SLC24A2: variants seen among roughly 807,000 people sequenced by gnomAD.
The protein encoded by SLC24A2 is sodium/potassium/calcium exchanger 2.
Under a neutral mutation model 62.0 loss-of-function variants are expected in SLC24A2, and 36 were observed. That is an observed-to-expected ratio of 0.58 (90% CI 0.44 to 0.77). The LOEUF is 0.77. Among genes scored for constraint, SLC24A2 ranks in the 30% least tolerant of loss-of-function variants. SLC24A2 has a pLI of 0.00. For synonymous variants in SLC24A2, 358 were observed against 294.0 expected, an observed-to-expected ratio of 1.22 and a Z score of -2.23; for missense variants, 846 against 817.9, an observed-to-expected ratio of 1.03 and a Z score of -0.42.
At chr9:20,261,803 G>A in the SLC24A2 span, among the ~76,000 whole-genome samples, 3 of 126,624 alleles carry the variant, frequency 2.4e-5, no homozygotes, top group Non-Finnish European at 1.6e-5. Context: ...GCAGTGGCAC[G>A]ATCTCGGCTC....
chr9:19,997,127 T>A, the SLC24A2 span, among the ~76,000 whole-genome samples: 1 of 152,108 alleles, frequency 6.6e-6, no homozygotes, highest in Admixed American at 6.5e-5. Context: ...GCACAGAGCA[T>A]TTTCCTCAAG....
chr9:19,542,589 C>G (rs2132713278), intron 8 of SLC24A2, among the ~76,000 whole-genome samples: 1 of 152,212 alleles, frequency 6.6e-6, no homozygotes, highest in South Asian at 2.1e-4. Context: ...CCATAAACAG[C>G]TCTTATTGAG....
the SLC24A2 span, among the ~76,000 whole-genome samples, chr9:19,989,789 G>A: frequency 1.3e-5 from 2 of 152,316 alleles, no homozygotes; most frequent in Middle Eastern, 3.4e-3. Context: ...AGATGTTCTT[G>A]TACAGAAAAG....
the SLC24A2 span, among the ~76,000 whole-genome samples, chr9:19,875,976 T>C: frequency 2.6e-5 from 4 of 152,266 alleles, no homozygotes; most frequent in African/African-American, 9.6e-5. Context: ...AGTTTAATGT[T>C]TGGGAAAAAT....
the SLC24A2 span, among the ~76,000 whole-genome samples, chr9:19,974,509 T>C: frequency 6.6e-6 from 1 of 152,202 alleles, no homozygotes; most frequent in African/African-American, 2.4e-5. Context: ...CAATATTCTT[T>C]CCTGAGCAAA....
the SLC24A2 span, among the ~76,000 whole-genome samples, chr9:19,989,639 G>C: frequency 0.25 from 38,020 of 152,138 alleles, 5,890 homozygotes; most frequent in South Asian, 0.4. Flanking sequence ...TTCCCTTGCT[G>C]CTTTTAATCT....
At chr9:19,716,265 A>G (rs1263425261) in intron 2 of SLC24A2, among the ~76,000 whole-genome samples, 1 of 152,216 alleles carries the variant, frequency 6.6e-6, no homozygotes, top group Non-Finnish European at 1.5e-5. Context: ...AGTATTCTAC[A>G]GTCAAAAGCT....
At chr9:20,029,469 G>C in the SLC24A2 span, among the ~76,000 whole-genome samples, 1 of 152,180 alleles carries the variant, frequency 6.6e-6, no homozygotes, top group Non-Finnish European at 1.5e-5. Flanking sequence ...AAACACCACA[G>C]TTCCAACCTC....
At chr9:20,055,957 C>T in the SLC24A2 span, among the ~76,000 whole-genome samples, 1 of 151,656 alleles carries the variant, frequency 6.6e-6, no homozygotes, top group African/African-American at 2.4e-5. Context: ...CTTACCGCTC[C>T]ACTATACAGC....
the SLC24A2 span, among the ~76,000 whole-genome samples, chr9:19,864,061 C>T: frequency 6.6e-6 from 1 of 151,746 alleles, no homozygotes; most frequent in Non-Finnish European, 1.5e-5. Flanking sequence ...CAACTACATG[C>T]CAATAAACTG....
At chr9:19,541,626 A>T (rs1834263773) in intron 8 of SLC24A2, among the ~76,000 whole-genome samples, 1 of 147,818 alleles carries the variant, frequency 6.8e-6, no homozygotes, top group Admixed American at 6.7e-5. Context: ...AGACAGGGAC[A>T]CTTAAGTCTG....
At chr9:20,144,956 TA>T in the SLC24A2 span, among the ~76,000 whole-genome samples, 2 of 152,136 alleles carry the variant, frequency 1.3e-5, no homozygotes, top group African/African-American at 4.8e-5. Flanking sequence ...CAAAGAAGGA[TA>T]ATAGACTTTT....
chr9:20,299,419 T>C, the SLC24A2 span, among the ~76,000 whole-genome samples: 2 of 152,160 alleles, frequency 1.3e-5, no homozygotes, highest in East Asian at 3.8e-4. Context: ...GGCTCTGGAA[T>C]GAAGTGAATC....
At chr9:20,276,385 T>C in the SLC24A2 span, among the ~76,000 whole-genome samples, 1 of 152,210 alleles carries the variant, frequency 6.6e-6, no homozygotes, top group African/African-American at 2.4e-5. Flanking sequence ...TGACTCCATG[T>C]CTCGCATCTT....
At chr9:20,176,436 T>C in the SLC24A2 span, among the ~76,000 whole-genome samples, 4 of 152,024 alleles carry the variant, frequency 2.6e-5, no homozygotes, top group African/African-American at 9.7e-5. Context: ...AAATTTCCAG[T>C]ATAAAAAGAG....
At chr9:19,913,077 C>T in the SLC24A2 span, among the ~76,000 whole-genome samples, 63,979 of 151,804 alleles carry the variant, frequency 0.42, 14,551 homozygotes, top group Non-Finnish European at 0.52. Flanking sequence ...CTCTATTTTT[C>T]TTAGCCCAGT....
chr9:19,563,229 C>A (rs1835491155), intron 7 of SLC24A2, among the ~76,000 whole-genome samples: 3 of 152,326 alleles, frequency 2.0e-5, no homozygotes, highest in East Asian at 1.9e-4. Context: ...GACATAAATA[C>A]ACACACACCG....
At chr9:20,187,076 T>A in the SLC24A2 span, among the ~76,000 whole-genome samples, 1 of 152,112 alleles carries the variant, frequency 6.6e-6, no homozygotes, top group Non-Finnish European at 1.5e-5. Context: ...GTGCTCCCTG[T>A]CTCATGAGCC....
the SLC24A2 span, among the ~76,000 whole-genome samples, chr9:19,801,047 G>A: frequency 2.6e-5 from 4 of 152,170 alleles, no homozygotes; most frequent in African/African-American, 7.2e-5. Context: ...TGTTACCAGG[G>A]GGTCCTTGCT....
Sources: allele counts gnomAD v4.1 joint callset (sites outside exome capture counted in the v4.1 genomes callset), GRCh38; gene constraint gnomAD v4.1.1; transcripts MANE v1.5; gene names NCBI Gene and HGNC (gene_info 2026-07-23, HGNC 2026-07-21).